CNGA3: variants seen among roughly 807,000 people sequenced by gnomAD.
The protein encoded by CNGA3 is cyclic nucleotide gated channel subunit alpha 3, also known as cyclic nucleotide-gated channel alpha-3.
CNGA3 carries 42 observed loss-of-function variants against 46.6 expected under a neutral mutation model. The ratio of observed to expected loss-of-function variants is 0.90; its 90% CI spans 0.70 to 1.17. CNGA3 has a LOEUF of 1.17. Ranked by LOEUF, CNGA3 falls within the 50% of genes most tolerant of loss-of-function variation. The pLI is 0.00. For missense variants in CNGA3, 893 were observed against 890.7 expected, an observed-to-expected ratio of 1.00 and a Z score of -0.03; for synonymous variants, 394 against 369.4, an observed-to-expected ratio of 1.07 and a Z score of -0.76.
At chr2:98,362,475 C>G (rs768856613) in intron 1 of CNGA3, among the ~76,000 whole-genome samples, 4 of 151,890 alleles carry the variant, frequency 2.6e-5, no homozygotes, top group Non-Finnish European at 5.9e-5. Context: ...ACCACTACAC[C>G]CGGCCTGCCC....
At chr2:98,391,727 G>T in intron 6 of CNGA3, 137 bp from the exon 7 acceptor site, 10 of 760,944 alleles carry the variant, frequency 1.3e-5, no homozygotes, top group African/African-American at 3.4e-5. Flanking sequence ...ATTACACTGA[G>T]GTAGTGACAC....
intron 3 of CNGA3, chr2:98,378,153 AG>A: frequency 6.4e-7 from 1 of 1,550,712 alleles, no homozygotes; most frequent in South Asian, 1.2e-5. Flanking sequence ...TGGTGTGCTG[AG>A]GATGGTGGTG....
In CNGA3 at chr2:98,396,240, A is replaced by G; in HGVS notation, c.1070A>G (p.Tyr357Cys). 10 of 1,614,088 alleles carry G rather than the reference A, an allele frequency of 6.2e-6. No individual in the cohort carries two copies. Among genetic ancestry groups the G allele is most frequent in the Non-Finnish European group, 8.5e-6 (10 of 1,180,004 alleles). ...RLSRKYIYSLYWSTLTLTTIG... is the reference protein window; with the variant it reads ...RLSRKYIYSLCWSTLTLTTIG... ...TCCAGGAAGTACATTTACAGTCTCT[A>G]CTGGTCCACCTTGACCCTTACCACC... Residue 357 changes from tyrosine to cysteine, a missense_variant, in exon 8 of 8, where the codon TAC becomes TGC. Tyr to Cys is a radical substitution (Grantham distance 194, BLOSUM62 -2). Transcript: ENST00000272602.
chr2:98,383,520 T>C, intron 5 of CNGA3, 79 bp downstream of exon 5: 1 of 1,288,054 alleles, frequency 7.8e-7, no homozygotes, highest in Non-Finnish European at 1.1e-6. Flanking sequence ...TTGGCCTCTC[T>C]CCTTAGTGCT....
rs897191155 is a variant in CNGA3, at chr2:98,366,716, A to G, written c.-37-3223A>G. Among the ~76,000 whole-genome samples, 5 of 152,188 alleles carry G rather than the reference A, an allele frequency of 3.3e-5. No individual in the cohort carries two copies. The East Asian group carries it at 7.7e-4, about 24-fold the overall frequency. On this transcript the variant is annotated intron_variant, in intron 1 of 7. Transcript: ENST00000272602. The stretch of plus-strand genomic sequence containing the variant: ...CTGTGGGGAATTCCTCCTGGGCCCA[A>G]ACTGCCCAGTCTCCACGACTCCAGC...
chr2:98,379,549 G>A (rs1344995710), intron 3 of CNGA3, among the ~76,000 whole-genome samples: 2 of 152,184 alleles, frequency 1.3e-5, no homozygotes, highest in Non-Finnish European at 2.9e-5. Context: ...GCAAGCTCCA[G>A]GCAGGGCCGG....
chr2:98,380,355 G>A lies in CNGA3; in HGVS notation c.395+1G>A. ...AGGAGCCAGCAGACAGAGGGAGAAG[G>A]TAAGGAACGGAAAAGAAGAAGGGGC... On this transcript the variant is annotated splice_donor_variant, in intron 4 of 7. Transcript: ENST00000272602. LOFTEE classifies it high-confidence loss of function. 1.9e-6 allele frequency: 3 copies of A among 1,613,690 alleles called. No homozygotes were observed. Among genetic ancestry groups the A allele is most frequent in the Non-Finnish European group, 2.5e-6 (3 of 1,179,780 alleles).
At chr2:98,382,343 G>A (rs954557362) in intron 4 of CNGA3, among the ~76,000 whole-genome samples, 22 of 152,186 alleles carry the variant, frequency 1.4e-4, no homozygotes, top group Admixed American at 9.2e-4. Flanking sequence ...CATCCCCCAC[G>A]GAGCTGAACC....
chr2:98,370,076 G>A lies in CNGA3; in HGVS notation c.101G>A (p.Arg34Lys). The change falls in exon 2 of 8, where the codon AGA (arginine) becomes AAA (lysine). Residue 34 changes from arginine to lysine, a missense_variant and splice_region_variant. Physicochemically the swap from Arg to Lys is conservative, Grantham distance 26. Coordinates refer to ENST00000272602, the MANE Select transcript of CNGA3 (RefSeq NM_001298.3). ...DLNRAENGLS[R>K]AHSSSEETSS... ...AATCGCGCTGAAAATGGCCTCAGCA[G>A]GTAAGATGGGCTAAGATGGGCTTTT... The A allele has an allele frequency of 6.2e-7, 1 of 1,608,504 alleles. No homozygotes were observed. The highest frequency in any genetic ancestry group is 8.5e-7 in the Non-Finnish European group (1 of 1,175,292).
At position 98,363,848 on chromosome 2, in the gene CNGA3, G is replaced by A. The variant is rs1019308162; in HGVS notation, c.-37-6091G>A. ...CTGACTTCAAGTCCTGAATATCCTT[G>A]TTAATTTTCTGTCTCGATGATCTGT... On this transcript the variant is annotated intron_variant, in intron 1 of 7. Transcript: ENST00000272602. 4.6e-5 allele frequency among the ~76,000 whole-genome samples: 7 copies of A among 152,232 alleles called. No homozygotes were observed. In the South Asian group the frequency reaches 1.5e-3, roughly 32 times the overall value.
At chr2:98,365,346 T>C (rs1692123421) in intron 1 of CNGA3, among the ~76,000 whole-genome samples, 1 of 152,202 alleles carries the variant, frequency 6.6e-6, no homozygotes, top group Non-Finnish European at 1.5e-5. Flanking sequence ...CATTTTTTCC[T>C]TCATTTCAAC....
chr2:98,372,910 G>A (rs1692320270), intron 2 of CNGA3, among the ~76,000 whole-genome samples: 1 of 152,116 alleles, frequency 6.6e-6, no homozygotes. Context: ...CTCAGGTCTC[G>A]GCCCCACCCT....
intron 1 of CNGA3, among the ~76,000 whole-genome samples, chr2:98,365,381 T>C (rs755418128): frequency 7.9e-5 from 12 of 152,122 alleles, no homozygotes; most frequent in Non-Finnish European, 1.5e-4. Context: ...TGATTATGTG[T>C]CTTGAGGTTG....
chr2:98,396,793 C>T lies in CNGA3; in HGVS notation c.1623C>T (p.Leu541=). 1.2e-6 allele frequency: 2 copies of T among 1,614,202 alleles called. No individual in the cohort carries two copies. The highest frequency in any genetic ancestry group is 1.7e-6 in the Non-Finnish European group (2 of 1,180,048). Residue 541 remains leucine (L), a synonymous_variant, in exon 8 of 8, where the codon CTC becomes CTT. Coordinates refer to ENST00000272602, the MANE Select transcript of CNGA3 (RefSeq NM_001298.3). The part of the protein sequence containing the change: ...ADDGVTQFVV[L]SDGSYFGEIS... ...ATGGGGTCACCCAGTTCGTGGTCCT[C>T]AGCGATGGCAGCTACTTCGGGGAGA... is the stretch of plus-strand genomic sequence containing the variant.
chr2:98,347,809 C>T (rs892110764), intron 1 of CNGA3, among the ~76,000 whole-genome samples: 3 of 152,196 alleles, frequency 2.0e-5, no homozygotes, highest in East Asian at 3.9e-4. Context: ...CCGGAGTGGA[C>T]AGCTCGGTGC....
Position 98,377,774 on chromosome 2 carries a change from C to T in CNGA3, c.189C>T (p.Gly63=). 1 of 1,612,016 alleles carries T rather than the reference C, an allele frequency of 6.2e-7. No individual in the cohort carries two copies. The highest frequency in any genetic ancestry group is 8.5e-7 in the Non-Finnish European group (1 of 1,179,824). The stretch of plus-strand genomic sequence containing the variant: ...GAGGACTGGCTGACTCCGGGCAGGG[C>T]TCCTTCACCGGCCAGGGGATCGCCA... ...ETRGLADSGQ[G]SFTGQGIARL... The change falls in exon 3 of 8, where the codon GGC becomes GGT. Residue 63 remains glycine, a synonymous_variant. Coordinates refer to ENST00000272602, the MANE Select transcript of CNGA3 (RefSeq NM_001298.3).
At chr2:98,375,154 G>A (rs537493958) in intron 2 of CNGA3, among the ~76,000 whole-genome samples, 3 of 152,320 alleles carry the variant, frequency 2.0e-5, no homozygotes, top group African/African-American at 7.2e-5. Flanking sequence ...GCAATCCTGG[G>A]TGGGTTTTGC....
At chr2:98,380,043 C>T (rs1482266556) in intron 3 of CNGA3, 132 bp from the exon 4 acceptor site, 2 of 1,064,574 alleles carry the variant, frequency 1.9e-6, no homozygotes, top group East Asian at 2.5e-5. Flanking sequence ...CCCTGCTGGT[C>T]ATCATTGCTT....
intron 4 of CNGA3, 76 bp downstream of exon 4, chr2:98,380,430 T>A: frequency 6.6e-7 from 1 of 1,524,670 alleles, no homozygotes; most frequent in Non-Finnish European, 8.9e-7. Flanking sequence ...TGCTCCATCC[T>A]GTTTGGATGC....
Sources: allele counts gnomAD v4.1 joint callset (sites outside exome capture counted in the v4.1 genomes callset), GRCh38; gene constraint gnomAD v4.1.1; transcripts MANE v1.5; gene names NCBI Gene and HGNC (gene_info 2026-07-23, HGNC 2026-07-21).